The following AFF1 variants were observed in gnomAD, a reference collection of about 807,000 sequenced individuals.
AFF1 encodes ALF transcription elongation factor 1.
AFF1 carries 48 observed loss-of-function variants against 121.7 expected under a neutral mutation model. The observed-to-expected ratio is 0.39, with a 90% CI of 0.31 to 0.50. The LOEUF (loss-of-function observed/expected upper bound fraction) is 0.50. Ranked by LOEUF, AFF1 falls within the 20% of genes least tolerant of loss-of-function variation. The pLI, the probability that AFF1 is intolerant of heterozygous loss-of-function variation, is 0.76. For missense variants in AFF1, 1,523 were observed against 1,511.7 expected (o/e 1.01, Z -0.12); for synonymous variants, 613 against 563.0 (o/e 1.09, Z -1.26).
At chr4:87,014,157 A>G (rs1056498311) in intron 2 of AFF1, among the ~76,000 whole-genome samples, 1 of 152,182 alleles carries the variant, frequency 6.6e-6, no homozygotes, top group Non-Finnish European at 1.5e-5. Flanking sequence ...CCAAGAAGCA[A>G]TTCCCAGTGT....
At chr4:87,036,871 C>A in intron 2 of AFF1, 2 of 464,306 alleles carry the variant, frequency 4.3e-6, no homozygotes, top group South Asian at 1.6e-5. Context: ...CTTGCTCCAT[C>A]GCTGAGGCTG....
intron 1 of AFF1, among the ~76,000 whole-genome samples, chr4:86,941,939 C>T (rs1720493360): frequency 6.6e-6 from 1 of 151,670 alleles, no homozygotes. Context: ...CCTTTCCAAT[C>T]CTCCGTTTTT....
intron 2 of AFF1, among the ~76,000 whole-genome samples, chr4:86,983,656 C>T (rs971365638): frequency 3.9e-5 from 6 of 152,038 alleles, no homozygotes; most frequent in Admixed American, 2.0e-4. Flanking sequence ...TTGCATTGAT[C>T]CGAGATGGCG....
At chr4:86,953,484 G>A (rs1178609862) in intron 2 of AFF1, among the ~76,000 whole-genome samples, 2 of 152,304 alleles carry the variant, frequency 1.3e-5, no homozygotes, top group South Asian at 2.1e-4. Context: ...AGTCATAAGC[G>A]TGGACAGAAT....
At chr4:87,125,237 A>T in intron 13 of AFF1, 94 bp downstream of exon 13, 1 of 825,344 alleles carries the variant, frequency 1.2e-6, no homozygotes. Context: ...CACTAGAATC[A>T]GTGGATTAAT....
chr4:87,084,909 A>G (rs1723564373), intron 5 of AFF1, among the ~76,000 whole-genome samples: 1 of 152,180 alleles, frequency 6.6e-6, no homozygotes, highest in African/African-American at 2.4e-5. Context: ...TGCTTGATTT[A>G]TACCTCTTGG....
chr4:87,073,711 T>C (rs1722365797), intron 4 of AFF1, among the ~76,000 whole-genome samples: 1 of 152,246 alleles, frequency 6.6e-6, no homozygotes, highest in African/African-American at 2.4e-5. Flanking sequence ...AAGTTGTTTT[T>C]TTCTTCTTCC....
In AFF1 at chr4:87,048,956, A is replaced by T. The variant is rs77100602; in HGVS notation, c.1059+1362A>T. Among the ~76,000 whole-genome samples the T allele has an allele frequency of 1.7e-3, 262 of 152,200 alleles. 1 individual carries two copies. The highest frequency in any genetic ancestry group is 6.1e-3 in the African/African-American group (254 of 41,518). On this transcript the variant is annotated intron_variant, in intron 4 of 20. Coordinates refer to ENST00000395146, the MANE Select transcript of AFF1 (RefSeq NM_001166693.3). ...GGGTAGGCAGCTGAATGAAGGCAAA[A>T]TAAAGTGAGATCCTCCCTCCTCAAA... is the stretch of plus-strand genomic sequence containing the variant.
intron 2 of AFF1, among the ~76,000 whole-genome samples, chr4:86,968,305 A>C (rs1281786681): frequency 6.6e-6 from 1 of 152,224 alleles, no homozygotes; most frequent in Non-Finnish European, 1.5e-5. Context: ...ACACAGTAGA[A>C]ATTCAATCAA....
At position 87,115,251 on chromosome 4, in the gene AFF1, T is replaced by G; in HGVS notation, c.2418T>G (p.Ser806=). ...KQPPAGKKHS[S]EKRSSDSSSK... ...CGCCCGCAGGGAAGAAGCACAGCTCTGAGAAGAGGAGCTCAGACAGCTCAA... is the reference window on the plus strand; with the variant it reads ...CGCCCGCAGGGAAGAAGCACAGCTCGGAGAAGAGGAGCTCAGACAGCTCAA... Residue 806 remains serine, a synonymous_variant, in exon 12 of 21, where the codon TCT becomes TCG. Transcript: ENST00000395146. 6.2e-7 allele frequency: 1 copy of G among 1,613,654 alleles called. No individual in the cohort carries two copies. Among genetic ancestry groups the G allele is most frequent in the South Asian group, 1.1e-5 (1 of 91,004 alleles).
intron 2 of AFF1, 148 bp downstream of exon 2, chr4:86,948,719 G>A (rs1721045485): frequency 4.1e-6 from 3 of 727,442 alleles, no homozygotes; most frequent in African/African-American, 1.8e-5. Flanking sequence ...TTCTCTACAT[G>A]AAGTCAAACT....
chr4:87,116,238 A>G (rs888381850), intron 12 of AFF1, among the ~76,000 whole-genome samples: 1 of 152,236 alleles, frequency 6.6e-6, no homozygotes, highest in Non-Finnish European at 1.5e-5. Flanking sequence ...TCTTTTGGAT[A>G]CAGAATGGAC....
chr4:87,092,730 A>G (rs1402748378), intron 7 of AFF1, among the ~76,000 whole-genome samples: 1 of 152,238 alleles, frequency 6.6e-6, no homozygotes, highest in Non-Finnish European at 1.5e-5. Flanking sequence ...TCTTGCAAAG[A>G]AGTCATAACT....
At chr4:87,084,358 G>A (rs1206006322) in intron 5 of AFF1, among the ~76,000 whole-genome samples, 194 bp downstream of exon 5, 1 of 151,904 alleles carries the variant, frequency 6.6e-6, no homozygotes, top group Non-Finnish European at 1.5e-5. Context: ...GGACAACATA[G>A]CAAAACCCCG....
intron 10 of AFF1, among the ~76,000 whole-genome samples, chr4:87,106,684 A>T (rs1459299093): frequency 2.0e-5 from 3 of 152,234 alleles, no homozygotes. Context: ...GAAAATATGA[A>T]CTATTTGAAC....
At chr4:87,006,906 T>G (rs1011268409) in intron 2 of AFF1, 5 of 979,312 alleles carry the variant, frequency 5.1e-6, no homozygotes, top group East Asian at 7.2e-5. Context: ...GCCCTGCCCA[T>G]TTAAGTAGGC....
At chr4:87,071,373 T>C (rs1012658581) in intron 4 of AFF1, among the ~76,000 whole-genome samples, 1 of 152,212 alleles carries the variant, frequency 6.6e-6, no homozygotes, top group African/African-American at 2.4e-5. Flanking sequence ...CTTCAGTCTT[T>C]TCAGGCTCGT....
chr4:86,990,599 A>AGG (rs756565852), intron 2 of AFF1, among the ~76,000 whole-genome samples: 2 of 152,258 alleles, frequency 1.3e-5, no homozygotes. Context: ...GCCAGCAAGA[A>AGG]GGGGAGTGAA....
intron 2 of AFF1, among the ~76,000 whole-genome samples, chr4:87,015,366 G>A (rs942621132): frequency 6.6e-5 from 10 of 152,138 alleles, no homozygotes; most frequent in Non-Finnish European, 1.2e-4. Context: ...CATTAGAATA[G>A]CAAAAGGATA....
Sources: allele counts gnomAD v4.1 joint callset (sites outside exome capture counted in the v4.1 genomes callset), GRCh38; gene constraint gnomAD v4.1.1; transcripts MANE v1.5; gene names NCBI Gene and HGNC (gene_info 2026-07-23, HGNC 2026-07-21).